The following DLG2 variants were observed in gnomAD, a reference collection of about 807,000 sequenced individuals.
The protein encoded by DLG2 is discs large MAGUK scaffold protein 2, also known as disks large homolog 2.
Under a neutral mutation model 132.5 loss-of-function variants are expected in DLG2, and 45 were observed. That is an observed-to-expected ratio of 0.34 (90% confidence interval 0.27 to 0.44). The LOEUF is 0.44. DLG2 is among the 20% of genes least tolerant of loss of function. The pLI is 1.00. For missense variants in DLG2, 1,045 were observed against 1,196.9 expected, an observed-to-expected ratio of 0.87 and a Z score of 1.87; for synonymous variants, 424 against 419.6, an observed-to-expected ratio of 1.01 and a Z score of -0.13.
At chr11:85,019,591 G>A (rs2154139141) in intron 6 of DLG2, among the ~76,000 whole-genome samples, 1 of 152,104 alleles carries the variant, frequency 6.6e-6, no homozygotes, top group Middle Eastern at 3.4e-3. Context: ...TTTACATTAG[G>A]TATTTCTCCT....
At chr11:84,848,521 A>G (rs1181641348) in intron 6 of DLG2, among the ~76,000 whole-genome samples, 2 of 152,056 alleles carry the variant, frequency 1.3e-5, no homozygotes, top group African/African-American at 4.8e-5. Flanking sequence ...AATAAAAGCC[A>G]GAGAATGCTA....
intron 24 of DLG2, 24 bp downstream of exon 24, chr11:83,471,602 A>T: frequency 6.5e-7 from 1 of 1,550,336 alleles, no homozygotes; most frequent in Non-Finnish European, 8.9e-7. Context: ...TGTTTTTCCT[A>T]GAGGAAAGAA....
At chr11:83,653,851 T>C (rs1209508212) in intron 18 of DLG2, among the ~76,000 whole-genome samples, 2 of 151,688 alleles carry the variant, frequency 1.3e-5, no homozygotes, top group African/African-American at 2.4e-5. Context: ...GCCTCCCGAG[T>C]AGCTGGTATT....
chr11:83,602,446 G>A (rs920596604), intron 19 of DLG2, among the ~76,000 whole-genome samples: 1 of 152,224 alleles, frequency 6.6e-6, no homozygotes, highest in African/African-American at 2.4e-5. Flanking sequence ...AACAAAGAAA[G>A]GGTGGTTGGA....
At chr11:84,918,041 T>TG (rs2092573820) in intron 6 of DLG2, among the ~76,000 whole-genome samples, 1 of 152,210 alleles carries the variant, frequency 6.6e-6, no homozygotes. Flanking sequence ...AGCATCAATA[T>TG]GTGGGACACA....
At chr11:84,340,270 G>GC (rs1360377503) in intron 7 of DLG2, among the ~76,000 whole-genome samples, 6 of 152,090 alleles carry the variant, frequency 3.9e-5, no homozygotes, top group African/African-American at 7.2e-5. Context: ...TGTCCACACT[G>GC]CCCCAGTCTT....
At chr11:85,232,493 T>C (rs1565192322) in intron 4 of DLG2, among the ~76,000 whole-genome samples, 1 of 151,948 alleles carries the variant, frequency 6.6e-6, no homozygotes, top group Non-Finnish European at 1.5e-5. Context: ...GGTATCAATA[T>C]ACCTTTCCAC....
chr11:85,614,126 G>A (rs971888458), intron 2 of DLG2, among the ~76,000 whole-genome samples: 5 of 152,142 alleles, frequency 3.3e-5, no homozygotes, highest in African/African-American at 7.2e-5. Context: ...CTCACCACGA[G>A]TATCAGTGGC....
intron 18 of DLG2, among the ~76,000 whole-genome samples, chr11:83,783,497 A>G (rs190252331): frequency 9.0e-4 from 137 of 152,334 alleles, no homozygotes; most frequent in Admixed American, 1.6e-3. Context: ...AGCAAAAATG[A>G]AAAGCGCAAG....
Position 85,060,412 on chromosome 11 carries a change from T to C in DLG2, c.357+51249A>G, listed in dbSNP as rs188569482. 2.0e-3 allele frequency among the ~76,000 whole-genome samples: 305 copies of C among 150,722 alleles called. 3 individuals are homozygous for C. The highest frequency in any genetic ancestry group is 3.6e-3 in the Non-Finnish European group (246 of 67,488). On this transcript the variant is annotated intron_variant, in intron 6 of 27. Transcript: ENST00000376104. ...TGTTATATATACATAACATTATATA[T>C]GTGTGTGTATATATATGTGTATATA...
intron 16 of DLG2, among the ~76,000 whole-genome samples, chr11:83,858,340 C>T (rs1015242374): frequency 1.3e-5 from 2 of 152,158 alleles, no homozygotes; most frequent in Non-Finnish European, 2.9e-5. Flanking sequence ...TATTTCTCCA[C>T]TGAAATCATT....
chr11:84,506,605 C>A (rs1018471907), intron 7 of DLG2, among the ~76,000 whole-genome samples: 3 of 152,126 alleles, frequency 2.0e-5, no homozygotes, highest in Non-Finnish European at 4.4e-5. Context: ...CCTTCAGATA[C>A]CTTGATTTTA....
intron 17 of DLG2, among the ~76,000 whole-genome samples, chr11:83,824,511 T>C (rs143303311): frequency 0.03 from 4,598 of 152,252 alleles, 98 homozygotes; most frequent in Middle Eastern, 0.085. Context: ...TCAAATAAAA[T>C]ACTTGCAAGA....
At chr11:85,201,089 C>A (rs2081423570) in intron 4 of DLG2, among the ~76,000 whole-genome samples, 1 of 152,152 alleles carries the variant, frequency 6.6e-6, no homozygotes, top group Non-Finnish European at 1.5e-5. Flanking sequence ...AGTTGAGGAA[C>A]TATCTAATCT....
At chr11:83,749,508 T>C (rs2093161544) in intron 18 of DLG2, among the ~76,000 whole-genome samples, 1 of 152,176 alleles carries the variant, frequency 6.6e-6, no homozygotes, top group African/African-American at 2.4e-5. Context: ...TCTCCTCTTG[T>C]TTCTTCCTGT....
At chr11:84,268,113 C>T (rs986545972) in intron 7 of DLG2, among the ~76,000 whole-genome samples, 2 of 152,174 alleles carry the variant, frequency 1.3e-5, no homozygotes, top group Non-Finnish European at 2.9e-5. Flanking sequence ...TCTTTCTTGC[C>T]TTAGTGACTT....
At chr11:85,374,177 C>G (rs1217918202) in intron 3 of DLG2, among the ~76,000 whole-genome samples, 1 of 151,934 alleles carries the variant, frequency 6.6e-6, no homozygotes, top group Non-Finnish European at 1.5e-5. Context: ...CCAGTGAGAA[C>G]TTTATTGGTG....
intron 6 of DLG2, chr11:84,545,377 C>T (rs1301054306): frequency 3.8e-6 from 2 of 520,286 alleles, no homozygotes; most frequent in Non-Finnish European, 3.7e-6. Flanking sequence ...ATCCCACTGC[C>T]ACCATATCCA....
intron 15 of DLG2, among the ~76,000 whole-genome samples, chr11:83,925,254 A>T (rs2078749244): frequency 6.6e-6 from 1 of 152,106 alleles, no homozygotes; most frequent in African/African-American, 2.4e-5. Flanking sequence ...GTAGCCCATC[A>T]GGTGATTTCT....
Sources: allele counts gnomAD v4.1 joint callset (sites outside exome capture counted in the v4.1 genomes callset), GRCh38; gene constraint gnomAD v4.1.1; transcripts MANE v1.5; gene names NCBI Gene and HGNC (gene_info 2026-07-23, HGNC 2026-07-21).